The following TGM5 variants were observed in gnomAD, a reference collection of about 807,000 sequenced individuals.
TGM5 encodes protein-glutamine gamma-glutamyltransferase 5.
In TGM5, 69 loss-of-function variants were observed where a neutral mutation model predicts 77.2. The observed-to-expected ratio is 0.89, with a 90% CI of 0.74 to 1.09. TGM5 has a LOEUF of 1.09. Ranked by LOEUF, TGM5 falls within the 50% of genes least tolerant of loss-of-function variation. TGM5 has a pLI of 0.00. For synonymous variants in TGM5, 346 were observed against 351.8 expected (o/e 0.98, Z 0.18); for missense variants, 842 against 896.5 (o/e 0.94, Z 0.78).
chr15:43,233,209 A>G lies in TGM5; in HGVS notation c.2145T>C (p.Tyr715=), dbSNP rs752990949. Residue 715 remains tyrosine (Y), a synonymous_variant, in exon 13 of 13, where the codon TAT becomes TAC. Transcript: ENST00000220420. ...FKDIKGYRNV[Y]VDFAL is the part of the protein sequence containing the mutation. ...CCAGAATTTATAATGCAAAGTCTAC[A>G]TAAACATTCCTGTAACCCTTAATGT... 13 of 1,614,218 alleles carry G rather than the reference A, an allele frequency of 8.1e-6. No homozygotes were observed. In the South Asian group the frequency reaches 1.3e-4, roughly 16 times the overall value.
In TGM5 at chr15:43,252,768, T is replaced by C. The variant is rs1478126947; in HGVS notation, c.853A>G (p.Met285Val). Residue 285 changes from methionine to valine, a missense_variant, in exon 6 of 13, where the codon ATG becomes GTG. Coordinates refer to ENST00000220420, the MANE Select transcript of TGM5 (RefSeq NM_201631.4). The stretch of plus-strand genomic sequence containing the variant: ...CCTTTCTACCTCCTACCTGTGCACA[T>C]GACGGCAGCAAAGACCCAGCATTGC... ...YGQCWVFAAV[M>V]CTVMRCLGIP... 25 of 1,613,732 alleles carry C rather than the reference T, an allele frequency of 1.5e-5. No individual in the cohort carries two copies. The highest frequency in any genetic ancestry group is 5.0e-5 in the Admixed American group (3 of 60,000).
chr15:43,238,758 G>A lies in TGM5; in HGVS notation c.1345+59C>T, dbSNP rs1370792804. ...CTCGCAGATGCTCTCTGGCTCCCTG[G>A]GGTAGGGGAAGGTTCCTGCAGGGCT... On this transcript the variant is annotated intron_variant, in intron 9 of 12. Coordinates refer to ENST00000220420, the MANE Select transcript of TGM5 (RefSeq NM_201631.4). The A allele has an allele frequency of 1.9e-6, 3 of 1,601,284 alleles. No individual in the cohort carries two copies. In the African/African-American group the frequency reaches 4.0e-5, roughly 21 times the overall value.
intron 6 of TGM5, 25 bp downstream of exon 6, chr15:43,252,734 T>C (rs916009210): frequency 9.9e-6 from 16 of 1,612,560 alleles, no homozygotes; most frequent in East Asian, 2.2e-5. Context: ...TCTGACCTTT[T>C]TGTGGGGTCC....
chr15:43,246,952 G>A (rs1457667415), intron 6 of TGM5, among the ~76,000 whole-genome samples: 1 of 152,126 alleles, frequency 6.6e-6, no homozygotes, highest in African/African-American at 2.4e-5. Context: ...ACCTCAAGGA[G>A]TTTGAGACCA....
chr15:43,248,807 C>T (rs919139750), intron 6 of TGM5, among the ~76,000 whole-genome samples: 2 of 152,088 alleles, frequency 1.3e-5, no homozygotes, highest in Non-Finnish European at 2.9e-5. Context: ...ACAATGAGAA[C>T]AAGAGTTATT....
chr15:43,249,206 GT>G (rs1480513805), intron 6 of TGM5, among the ~76,000 whole-genome samples: 1 of 152,152 alleles, frequency 6.6e-6, no homozygotes, highest in East Asian at 1.9e-4. Flanking sequence ...ACCCCAGGCA[GT>G]TATGGACAAG....
At chr15:43,248,797 A>AG (rs1192181027) in intron 6 of TGM5, among the ~76,000 whole-genome samples, 1 of 152,218 alleles carries the variant, frequency 6.6e-6, no homozygotes, top group Non-Finnish European at 1.5e-5. Context: ...AAGGGTAAAA[A>AG]CAATGAGAAC....
At chr15:43,248,257 C>G (rs551328356) in intron 6 of TGM5, among the ~76,000 whole-genome samples, 1 of 152,172 alleles carries the variant, frequency 6.6e-6, no homozygotes, top group Non-Finnish European at 1.5e-5. Flanking sequence ...ACTGCAAGCT[C>G]CACTTCCCAG....
chr15:43,249,933 C>T (rs1449287167), intron 6 of TGM5, among the ~76,000 whole-genome samples: 1 of 152,218 alleles, frequency 6.6e-6, no homozygotes, highest in East Asian at 1.9e-4. Flanking sequence ...TGAGTCAGAC[C>T]AGAGTCCCTC....
intron 1 of TGM5, among the ~76,000 whole-genome samples, chr15:43,266,481 G>T (rs1413987927): frequency 1.3e-5 from 2 of 152,144 alleles, no homozygotes; most frequent in African/African-American, 4.8e-5. Context: ...CCTTTTTCAG[G>T]CAAGGGGGTT....
At chr15:43,265,186 A>C (rs2042816343) in intron 1 of TGM5, among the ~76,000 whole-genome samples, 1 of 152,200 alleles carries the variant, frequency 6.6e-6, no homozygotes, top group African/African-American at 2.4e-5. Flanking sequence ...ATCAAGGTTC[A>C]GGTGGGTTAA....
chr15:43,263,046 AT>A (rs2042801200), intron 1 of TGM5, among the ~76,000 whole-genome samples: 1 of 152,258 alleles, frequency 6.6e-6, no homozygotes, highest in African/African-American at 2.4e-5. Context: ...CAATATCAAT[AT>A]ACAAAAACCA....
Position 43,233,136 on chromosome 15 carries a change from C to T in TGM5, c.*55G>A. The T allele has an allele frequency of 6.2e-7, 1 of 1,609,262 alleles. No individual in the cohort carries two copies. The highest frequency in any genetic ancestry group is 8.5e-7 in the Non-Finnish European group (1 of 1,177,406). On this transcript the variant is annotated 3_prime_UTR_variant, in exon 13 of 13. Coordinates refer to ENST00000220420, the MANE Select transcript of TGM5 (RefSeq NM_201631.4). ...GGGAATGGCGCAGCTTGCATTTGAA[C>T]TTGCTCCTTTTCCTGAAGCTTGAAA...
chr15:43,255,014 G>A (rs1267441419), intron 4 of TGM5, among the ~76,000 whole-genome samples: 1 of 151,966 alleles, frequency 6.6e-6, no homozygotes, highest in Non-Finnish European at 1.5e-5. Context: ...CTGAGCAGGC[G>A]ATCAATATAT....
chr15:43,261,081 T>TTTTTTTTG (rs1566837476), intron 1 of TGM5, among the ~76,000 whole-genome samples: 1 of 94,686 alleles, frequency 1.1e-5, no homozygotes, highest in African/African-American at 5.1e-5. Flanking sequence ...TGTGTGTTTT[T>TTTTTTTTG]TTTTTTTTTT....
intron 3 of TGM5, 102 bp from the exon 4 acceptor site, chr15:43,256,788 G>A: frequency 1.1e-6 from 1 of 898,196 alleles, no homozygotes; most frequent in Non-Finnish European, 1.9e-6. Context: ...TGGAGCAAGG[G>A]CCCCTGGCGA....
rs2042780580 is a variant in TGM5, at chr15:43,260,814, T to G, written c.11-235A>C. The stretch of plus-strand genomic sequence containing the variant: ...CCTTCCTCTCCTATCTCTCTGACCC[T>G]CTATCTTCTTCTCCCTTACACCCTC... On this transcript the variant is annotated intron_variant, in intron 1 of 12. Transcript: ENST00000220420. 5.0e-6 allele frequency: 3 copies of G among 599,678 alleles called. No individual in the cohort carries two copies. In the Admixed American group the frequency reaches 7.4e-5, roughly 15 times the overall value. 37.1% of individuals were successfully genotyped at this position (599,678 alleles called of 1,614,324 possible). A position where few individuals can be genotyped will look rare whatever the true frequency, so the allele number is the denominator to read the frequency against.
intron 6 of TGM5, among the ~76,000 whole-genome samples, chr15:43,243,778 C>T (rs2042654384): frequency 1.3e-5 from 2 of 152,184 alleles, no homozygotes; most frequent in African/African-American, 4.8e-5. Flanking sequence ...CCTTACTGAA[C>T]TTATTGTCTT....
chr15:43,254,328 A>G (rs777488710), intron 4 of TGM5, among the ~76,000 whole-genome samples: 5 of 152,228 alleles, frequency 3.3e-5, no homozygotes, highest in Admixed American at 2.0e-4. Flanking sequence ...GTTTCAGTCC[A>G]GCTCTCTTCA....
Sources: gnomAD v4.1 joint callset for allele counts (sites outside exome capture counted in the v4.1 genomes callset) on GRCh38, gnomAD v4.1.1 for gene constraint, MANE v1.5 for transcripts, NCBI Gene and HGNC (gene_info 2026-07-23, HGNC 2026-07-21) for gene names.